PRSS55: variants seen among roughly 807,000 people sequenced by gnomAD.
PRSS55 encodes the protein probable serine protease UNQ9391/PRO34284.
In PRSS55, 41 loss-of-function variants were observed where a neutral mutation model predicts 23.6. That is an observed-to-expected ratio of 1.74 (90% CI 1.35 to 2.26). The LOEUF (loss-of-function observed/expected upper bound fraction) is 2.26. Among genes scored for constraint, PRSS55 ranks in the 30% most tolerant of loss-of-function variants. The pLI is 0.00. For missense variants in PRSS55, 669 were observed against 439.1 expected, an observed-to-expected ratio of 1.52 and a Z score of -4.68; for synonymous variants, 262 against 175.5, an observed-to-expected ratio of 1.49 and a Z score of -3.90.
At chr8:10,552,284 T>C (rs573892118) in intron 4 of PRSS55, among the ~76,000 whole-genome samples, 6 of 152,320 alleles carry the variant, frequency 3.9e-5, no homozygotes, top group Admixed American at 3.9e-4. Flanking sequence ...ATGGGAGTGT[T>C]AATCATGGCA....
chr8:10,553,114 G>A (rs74590810), intron 4 of PRSS55, among the ~76,000 whole-genome samples: 6,898 of 152,236 alleles, frequency 0.045, 521 homozygotes, highest in African/African-American at 0.16. Context: ...CATGAGGGCA[G>A]TTTTCCATAT....
At chr8:10,539,247 C>T (rs1764916951), downstream of PRSS55, among the ~76,000 whole-genome samples, 2 of 152,084 alleles carry the variant, frequency 1.3e-5, no homozygotes, top group South Asian at 2.1e-4. Context: ...TCTACGCAGG[C>T]CTTCAGTGGA....
chr8:10,549,886 A>G (rs1430365377), intron 4 of PRSS55, among the ~76,000 whole-genome samples: 1 of 152,192 alleles, frequency 6.6e-6, no homozygotes, highest in Non-Finnish European at 1.5e-5. Flanking sequence ...GAAATGATGC[A>G]TAGAGAAGCA....
downstream of PRSS55, chr8:10,538,903 C>A: frequency 8.8e-7 from 1 of 1,134,144 alleles, no homozygotes; most frequent in Non-Finnish European, 1.2e-6. Context: ...GAGGCTGGGA[C>A]CAGGAGGACC....
chr8:10,549,528 C>T (rs529797717), intron 4 of PRSS55, among the ~76,000 whole-genome samples: 1 of 152,320 alleles, frequency 6.6e-6, no homozygotes, highest in African/African-American at 2.4e-5. Flanking sequence ...CACAGGGGCT[C>T]ACCAAGCCCT....
downstream of PRSS55, chr8:10,540,763 A>G (rs2117058827): frequency 6.6e-6 from 1 of 152,200 alleles, no homozygotes; most frequent in African/African-American, 2.4e-5. Flanking sequence ...CCTTTTTCCC[A>G]CTCTAACCCT....
intron 1 of PRSS55, among the ~76,000 whole-genome samples, chr8:10,528,584 T>C (rs1016324815): frequency 5.3e-5 from 8 of 152,198 alleles, no homozygotes; most frequent in African/African-American, 1.4e-4. Flanking sequence ...CTCAGTCCCC[T>C]AAGTAAAGGA....
In PRSS55 at chr8:10,532,964, G is replaced by T; in HGVS notation, c.657G>T (p.Trp219Cys). The T allele has an allele frequency of 1.2e-6, 2 of 1,614,180 alleles. No individual in the cohort carries two copies. The highest frequency in any genetic ancestry group is 8.5e-7 in the Non-Finnish European group (1 of 1,180,024). ...LMKAPMVIMD[W>C]EECSKMFPKL... The stretch of plus-strand genomic sequence containing the variant: ...AAGCGCCAATGGTCATCATGGACTG[G>T]GAGGAGTGTTCAAAGATGTTTCCAA... The change falls in exon 4 of 5, where the codon TGG becomes TGT. Residue 219 changes from tryptophan (W) to cysteine (C), a missense_variant. Transcript: ENST00000328655.
intron 4 of PRSS55, among the ~76,000 whole-genome samples, chr8:10,543,890 T>G (rs1383614430): frequency 1.3e-5 from 2 of 152,226 alleles, no homozygotes; most frequent in Admixed American, 6.5e-5. Context: ...GAGAACATAC[T>G]TTGTATTATT....
intron 4 of PRSS55, among the ~76,000 whole-genome samples, chr8:10,535,449 C>T (rs1376746225): frequency 6.6e-6 from 1 of 152,152 alleles, no homozygotes; most frequent in Non-Finnish European, 1.5e-5. Flanking sequence ...TCAAAGTCAA[C>T]AATAACAAGC....
At chr8:10,541,834 C>T (rs1305092296), downstream of PRSS55, among the ~76,000 whole-genome samples, 2 of 152,166 alleles carry the variant, frequency 1.3e-5, no homozygotes, top group African/African-American at 4.8e-5. Flanking sequence ...TCACAGCTCA[C>T]TGCCACCTAC....
chr8:10,552,914 G>A (rs766211279), intron 4 of PRSS55, among the ~76,000 whole-genome samples: 9 of 152,174 alleles, frequency 5.9e-5, no homozygotes, highest in Admixed American at 1.3e-4. Context: ...ATCCCACTTC[G>A]GGGTATCTAT....
intron 4 of PRSS55, among the ~76,000 whole-genome samples, chr8:10,552,741 T>C (rs953892823): frequency 1.3e-5 from 2 of 152,200 alleles, no homozygotes; most frequent in African/African-American, 4.8e-5. Context: ...CCTGTTAGAA[T>C]GGCTGTTGTC....
At chr8:10,533,170 G>A in intron 4 of PRSS55, 122 bp downstream of exon 4, 2 of 1,072,544 alleles carry the variant, frequency 1.9e-6, no homozygotes. Flanking sequence ...ATGGGAATTA[G>A]GGCCTGCAGC....
intron 4 of PRSS55, among the ~76,000 whole-genome samples, chr8:10,548,367 G>A (rs986494517): frequency 6.6e-6 from 1 of 152,190 alleles, no homozygotes; most frequent in African/African-American, 2.4e-5. Flanking sequence ...GAGGGAAGCA[G>A]AGGTTCCCTG....
downstream of PRSS55, among the ~76,000 whole-genome samples, chr8:10,542,937 T>A (rs1812701493): frequency 6.8e-6 from 1 of 147,692 alleles, no homozygotes; most frequent in African/African-American, 2.5e-5. Context: ...GAATCAAGGC[T>A]CAGGTGTCTG....
Position 10,536,297 on chromosome 8 carries a change from A to G in PRSS55, c.742-2179A>G, listed in dbSNP as rs113049945. Among the ~76,000 whole-genome samples the G allele has an allele frequency of 8.5e-3, 1,294 of 152,374 alleles. 15 individuals carry two copies. The highest frequency in any genetic ancestry group is 0.03 in the African/African-American group (1,242 of 41,594). On this transcript the variant is annotated intron_variant, in intron 4 of 4. Transcript: ENST00000328655. Reference sequence around the variant, plus strand: ...ATCACTAATTATTAGAGAAATGCAAATCAAAGCCACAATGAGATATCATCC... The same window carrying G: ...ATCACTAATTATTAGAGAAATGCAAGTCAAAGCCACAATGAGATATCATCC...
chr8:10,548,723 C>A (rs1005904610), intron 4 of PRSS55, among the ~76,000 whole-genome samples: 7 of 152,222 alleles, frequency 4.6e-5, no homozygotes, highest in Non-Finnish European at 1.5e-5. Context: ...GCACCCACGG[C>A]TCCAAAGCCT....
chr8:10,531,235 T>G, intron 2 of PRSS55, 60 bp from the exon 3 acceptor site: 2 of 1,596,318 alleles, frequency 1.3e-6, no homozygotes, highest in Non-Finnish European at 1.7e-6. Flanking sequence ...CAGCCAATTC[T>G]GCCGCTTTTG....
Sources: gnomAD v4.1 joint callset for allele counts (sites outside exome capture counted in the v4.1 genomes callset) on GRCh38, gnomAD v4.1.1 for gene constraint, MANE v1.5 for transcripts, NCBI Gene and HGNC (gene_info 2026-07-23, HGNC 2026-07-21) for gene names.